CCSER1: variants seen among roughly 807,000 people sequenced by gnomAD.
The protein encoded by CCSER1 is coiled-coil serine rich protein 1, also known as serine-rich coiled-coil domain-containing protein 1.
CCSER1 carries 41 observed loss-of-function variants against 82.0 expected under a neutral mutation model. The ratio of observed to expected loss-of-function variants is 0.50; its 90% CI spans 0.39 to 0.65. The LOEUF is 0.65. Ranked by LOEUF, CCSER1 falls within the 30% of genes least tolerant of loss-of-function variation. CCSER1 has a pLI of 0.00. For missense variants in CCSER1, 1,119 were observed against 1,064.2 expected (o/e 1.05, Z -0.72); for synonymous variants, 414 against 383.9 (o/e 1.08, Z -0.92).
chr4:90,643,081 G>A (rs1282529596), intron 6 of CCSER1, among the ~76,000 whole-genome samples: 1 of 152,038 alleles, frequency 6.6e-6, no homozygotes, highest in Non-Finnish European at 1.5e-5. Context: ...AAAAAATAAT[G>A]ATTTCTCATG....
intron 10 of CCSER1, among the ~76,000 whole-genome samples, chr4:91,149,477 G>A (rs1729909547): frequency 6.6e-6 from 1 of 152,136 alleles, no homozygotes; most frequent in Non-Finnish European, 1.5e-5. Flanking sequence ...AAGCTCTTTA[G>A]TATAATTAGA....
At chr4:91,216,618 C>A (rs1303311543) in intron 10 of CCSER1, among the ~76,000 whole-genome samples, 1 of 152,174 alleles carries the variant, frequency 6.6e-6, no homozygotes, top group East Asian at 1.9e-4. Flanking sequence ...CTGCGCCAGG[C>A]CTATAGCATC....
intron 1 of CCSER1, among the ~76,000 whole-genome samples, chr4:90,189,104 G>T (rs1017886967): frequency 1.3e-5 from 2 of 151,962 alleles, no homozygotes; most frequent in Non-Finnish European, 2.9e-5. Flanking sequence ...TTATGTACAG[G>T]TCTGTATTTT....
At position 91,137,279 on chromosome 4, in the gene CCSER1, G is replaced by A. The variant is rs1292371691; in HGVS notation, c.2217+51285G>A. On this transcript the variant is annotated intron_variant, in intron 10 of 10. Coordinates refer to ENST00000509176, the MANE Select transcript of CCSER1 (RefSeq NM_001145065.2). ...ATGCGGTGTTTGGTTTTTTGTTCTTGCGATAGTTTACTGAGAATGATGATT... is the reference window on the plus strand; with the variant it reads ...ATGCGGTGTTTGGTTTTTTGTTCTTACGATAGTTTACTGAGAATGATGATT... Among the ~76,000 whole-genome samples the A allele has an allele frequency of 2.7e-4, 25 of 93,788 alleles. No homozygotes were observed. The East Asian group carries it at 8.0e-3, about 30-fold the overall frequency. The allele number at this position is 93,788 out of a possible 152,430, so 61.5% of individuals were successfully genotyped here. A position where few individuals can be genotyped will look rare whatever the true frequency, so the allele number is the denominator to read the frequency against.
intron 6 of CCSER1, among the ~76,000 whole-genome samples, chr4:90,630,760 A>G (rs1373698724): frequency 6.6e-6 from 1 of 151,732 alleles, no homozygotes; most frequent in Non-Finnish European, 1.5e-5. Flanking sequence ...ACTAAATTGG[A>G]GTTTAATATC....
intron 3 of CCSER1, among the ~76,000 whole-genome samples, chr4:90,385,553 G>A (rs768739705): frequency 6.7e-6 from 1 of 149,778 alleles, no homozygotes; most frequent in Admixed American, 6.7e-5. Context: ...TCCACCTCAC[G>A]GGTTCATGCC....
rs539812175 is a variant in CCSER1, at chr4:91,096,399, G to A, written c.2217+10405G>A. Among the ~76,000 whole-genome samples the A allele has an allele frequency of 1.2e-4, 19 of 152,248 alleles. No homozygotes were observed. In the South Asian group the frequency reaches 2.1e-3, roughly 17 times the overall value. On this transcript the variant is annotated intron_variant, in intron 10 of 10. Transcript: ENST00000509176. ...AGAACTTTAGGGGCTGGCTTCCCTC[G>A]GCAGGTGGAGTGAGAACTTTCCTTA...
intron 10 of CCSER1, among the ~76,000 whole-genome samples, chr4:91,596,266 T>A (rs1031842072): frequency 6.6e-6 from 1 of 152,042 alleles, no homozygotes; most frequent in Non-Finnish European, 1.5e-5. Flanking sequence ...ACAATGAATA[T>A]TCCCTCAAAG....
chr4:91,600,213 C>A lies in CCSER1; in HGVS notation c.*1156C>A, dbSNP rs1764758125. 1 of 151,976 alleles carries A rather than the reference C, an allele frequency of 6.6e-6. No homozygotes were observed. Among genetic ancestry groups the A allele is most frequent in the Non-Finnish European group, 1.5e-5 (1 of 67,976 alleles). 9.4% of individuals were successfully genotyped at this position (151,976 alleles called of 1,614,324 possible). A position where few individuals can be genotyped will look rare whatever the true frequency, so the allele number is the denominator to read the frequency against. ...AAATATTTCTCTTTGACAAATAAGG[C>A]CCAAATATGTTATAATATGTTATAT... On this transcript the variant is annotated 3_prime_UTR_variant, in exon 11 of 11. Transcript: ENST00000509176.
chr4:90,840,198 A>C (rs556442466), intron 8 of CCSER1, among the ~76,000 whole-genome samples: 2 of 152,246 alleles, frequency 1.3e-5, no homozygotes, highest in African/African-American at 2.4e-5. Flanking sequence ...GTAGAGAGAA[A>C]AATTTTAAAT....
Position 91,288,061 on chromosome 4 carries a change from GAT to G in CCSER1, c.2217+202081_2217+202082del, listed in dbSNP as rs770632744. 1.0e-3 allele frequency among the ~76,000 whole-genome samples: 144 copies of G among 141,644 alleles called. No homozygotes were observed. The South Asian group carries it at 0.013, about 13-fold the overall frequency. The allele number at this position is 141,644 out of a possible 152,430, so 92.9% of individuals were successfully genotyped here. A position where few individuals can be genotyped will look rare whatever the true frequency, so the allele number is the denominator to read the frequency against. On this transcript the variant is annotated intron_variant, in intron 10 of 10. Transcript: ENST00000509176. ...ATTCTAGGCTATTGAGTTTATTTAG[GAT>G]ATATATATATATACACTCATATATA...
intron 8 of CCSER1, among the ~76,000 whole-genome samples, chr4:90,847,035 T>C (rs1011943845): frequency 1.3e-5 from 2 of 152,228 alleles, no homozygotes; most frequent in Admixed American, 6.5e-5. Context: ...TCTGAAACTG[T>C]TCCCCCATTT....
chr4:90,333,498 G>A (rs139350815), intron 3 of CCSER1, among the ~76,000 whole-genome samples: 10 of 152,162 alleles, frequency 6.6e-5, no homozygotes, highest in South Asian at 2.1e-4. Context: ...TTCAGCAAAC[G>A]TGAAATGCTA....
At chr4:91,406,887 G>GA (rs980188847) in intron 10 of CCSER1, among the ~76,000 whole-genome samples, 2 of 152,076 alleles carry the variant, frequency 1.3e-5, no homozygotes, top group African/African-American at 2.4e-5. Context: ...AATTATTAAT[G>GA]AAAAAAACAA....
intron 7 of CCSER1, among the ~76,000 whole-genome samples, chr4:90,808,485 C>G (rs1038688399): frequency 6.6e-6 from 1 of 151,972 alleles, no homozygotes; most frequent in Admixed American, 6.6e-5. Context: ...TATTTGCCAC[C>G]TGTACATCGA....
chr4:90,153,634 C>G (rs1368047656), intron 1 of CCSER1, among the ~76,000 whole-genome samples: 2 of 152,026 alleles, frequency 1.3e-5, no homozygotes, highest in African/African-American at 4.8e-5. Context: ...CTCTGATGGC[C>G]AGTGATGGTG....
At chr4:90,412,560 G>T (rs575189748) in intron 4 of CCSER1, among the ~76,000 whole-genome samples, 1 of 148,810 alleles carries the variant, frequency 6.7e-6, no homozygotes, top group South Asian at 2.1e-4. Context: ...AATCCATGAT[G>T]ATCAAGTGGT....
intron 6 of CCSER1, among the ~76,000 whole-genome samples, chr4:90,636,499 A>C (rs2148959193): frequency 6.6e-6 from 1 of 152,184 alleles, no homozygotes; most frequent in East Asian, 1.9e-4. Flanking sequence ...AAATACGTGT[A>C]GCAATATGTA....
chr4:90,793,190 C>T (rs188247942), intron 7 of CCSER1, among the ~76,000 whole-genome samples: 2 of 151,724 alleles, frequency 1.3e-5, no homozygotes, highest in East Asian at 3.9e-4. Context: ...TTAAATTTAA[C>T]TTTCATTTAA....
Sources: gnomAD v4.1 joint callset for allele counts (sites outside exome capture counted in the v4.1 genomes callset) on GRCh38, gnomAD v4.1.1 for gene constraint, MANE v1.5 for transcripts, NCBI Gene and HGNC (gene_info 2026-07-23, HGNC 2026-07-21) for gene names.